The following C1orf54 variants were observed in gnomAD, a reference collection of about 807,000 sequenced individuals.
C1orf54 encodes the protein uncharacterized protein C1orf54.
A neutral mutation model predicts 14.7 loss-of-function variants in C1orf54; 12 were observed. The observed-to-expected ratio is 0.82, with a 90% confidence interval of 0.52 to 1.32. The LOEUF is 1.32. C1orf54 is among the 40% of genes most tolerant of loss of function. C1orf54 has a pLI of 0.00. For synonymous variants in C1orf54, 65 were observed against 56.3 expected (o/e 1.16, Z -0.70); for missense variants, 163 against 162.2 (o/e 1.00, Z -0.03).
intron 4 of C1orf54, among the ~76,000 whole-genome samples, chr1:150,277,673 G>A (rs969993147): frequency 1.3e-5 from 2 of 152,122 alleles, no homozygotes; most frequent in African/African-American, 2.4e-5. Flanking sequence ...TACTTGCTTA[G>A]TAATTTCACA....
chr1:150,280,812 T>A, intron 5 of C1orf54, 23 bp from the exon 6 acceptor site: 1 of 1,547,198 alleles, frequency 6.5e-7, no homozygotes, highest in Non-Finnish European at 8.7e-7. Context: ...CCTTTTATTT[T>A]CTTTCTTTCT....
intron 1 of C1orf54, among the ~76,000 whole-genome samples, chr1:150,273,547 A>G (rs1553851721): frequency 6.6e-6 from 1 of 152,172 alleles, no homozygotes; most frequent in African/African-American, 2.4e-5. Flanking sequence ...ACTAACAGAG[A>G]TGGGTCATTT....
chr1:150,276,616 C>A lies in C1orf54; in HGVS notation c.284C>A (p.Pro95Gln). 6.2e-7 allele frequency: 1 copy of A among 1,613,800 alleles called. No individual in the cohort carries two copies. Among genetic ancestry groups the A allele is most frequent in the Non-Finnish European group, 8.5e-7 (1 of 1,179,776 alleles). The change falls in exon 4 of 6, where the codon CCA (proline) becomes CAA (glutamine). Residue 95 changes from proline (P) to glutamine (Q), a missense_variant. Coordinates refer to ENST00000369099, the MANE Select transcript of C1orf54 (RefSeq NM_024579.4). ...CATCCGAAGCCTGTAACTGTGAAAC[C>A]AGTAACAACGGAACCTGTGAGTTGA... is the stretch of plus-strand genomic sequence containing the variant. The part of the protein sequence containing the change: ...ADHPKPVTVK[P>Q]VTTEPSPDLN...
intron 5 of C1orf54, among the ~76,000 whole-genome samples, chr1:150,280,495 G>C (rs1560047307): frequency 6.6e-6 from 1 of 152,244 alleles, no homozygotes; most frequent in Non-Finnish European, 1.5e-5. Context: ...AAGTGGGTGG[G>C]TCTTACAACC....
chr1:150,270,155 G>T (rs1248728105), upstream of C1orf54, among the ~76,000 whole-genome samples: 1 of 151,548 alleles, frequency 6.6e-6, no homozygotes, highest in Non-Finnish European at 1.5e-5. Context: ...AAAGAGGAAA[G>T]AAATCTGGAA....
rs1553853295 is a variant in C1orf54, at chr1:150,280,849, C to G, written c.*18C>G. 6.5e-7 allele frequency: 1 copy of G among 1,550,126 alleles called. No individual in the cohort carries two copies. The highest frequency in any genetic ancestry group is 1.2e-5 in the South Asian group (1 of 84,028). On this transcript the variant is annotated 3_prime_UTR_variant, in exon 6 of 6. Transcript: ENST00000369099. ...TGCTTTTTTAGGTGGAAGAAGGCTG[C>G]TATGACTCTTTGGATGGGAGTCTGG...
chr1:150,279,146 C>G (rs1016522533), intron 4 of C1orf54, among the ~76,000 whole-genome samples: 1 of 152,188 alleles, frequency 6.6e-6, no homozygotes, highest in Non-Finnish European at 1.5e-5. Flanking sequence ...TGGCGGGTGC[C>G]TGTAATCTCA....
chr1:150,272,776 A>G, upstream of C1orf54: 1 of 1,610,488 alleles, frequency 6.2e-7, no homozygotes, highest in Non-Finnish European at 8.5e-7. Context: ...GAAACTCTGT[A>G]ATTTCCTTTT....
upstream of C1orf54, chr1:150,272,171 G>C (rs1047192573): frequency 6.6e-6 from 1 of 152,366 alleles, no homozygotes; most frequent in South Asian, 2.1e-4. Context: ...GGTGAGGTCA[G>C]TGTTACCAGA....
At chr1:150,275,116 G>A (rs1230748459) in intron 2 of C1orf54, among the ~76,000 whole-genome samples, 1 of 150,910 alleles carries the variant, frequency 6.6e-6, no homozygotes, top group African/African-American at 2.4e-5. Context: ...TCAGCTCACT[G>A]CAACCTCTGC....
At chr1:150,274,001 C>A in intron 1 of C1orf54, 86 bp from the exon 2 acceptor site, 1 of 822,644 alleles carries the variant, frequency 1.2e-6, no homozygotes, top group Non-Finnish European at 2.0e-6. Context: ...AGCAAGAAAG[C>A]TGGGAGCGCT....
intron 5 of C1orf54, among the ~76,000 whole-genome samples, chr1:150,280,259 C>T (rs1553853172): frequency 6.6e-6 from 1 of 152,154 alleles, no homozygotes; most frequent in African/African-American, 2.4e-5. Context: ...AGAGGGATCA[C>T]ATTTAGAAAA....
At position 150,275,785 on chromosome 1, in the gene C1orf54, T is replaced by A; in HGVS notation, c.175T>A (p.Ser59Thr). Residue 59 changes from serine (S) to threonine (T), a missense_variant, in exon 3 of 6, where the codon TCA becomes ACA. Physicochemically the swap from Ser to Thr is moderately conservative, Grantham distance 58. Coordinates refer to ENST00000369099, the MANE Select transcript of C1orf54 (RefSeq NM_024579.4). ...DFTIDYSIFESEDRLNRLDKD... is the reference protein window; with the variant it reads ...DFTIDYSIFETEDRLNRLDKD... Reference sequence around the variant, plus strand: ...CACCATTGATTACTCCATATTTGAGTCAGAGGACAGGCTGGTGAGTGAACT... The same window carrying A: ...CACCATTGATTACTCCATATTTGAGACAGAGGACAGGCTGGTGAGTGAACT... The A allele has an allele frequency of 6.2e-7, 1 of 1,612,018 alleles. No individual in the cohort carries two copies. The highest frequency in any genetic ancestry group is 8.5e-7 in the Non-Finnish European group (1 of 1,178,166).
At chr1:150,277,500 A>C (rs1448947491) in intron 4 of C1orf54, among the ~76,000 whole-genome samples, 21 of 396 alleles carry the variant, frequency 0.053, 1 homozygote, top group Middle Eastern at 0.5. Flanking sequence ...GAGACTCTAT[A>C]CTAAAAAAAA....
chr1:150,269,993 C>T (rs1420887841), upstream of C1orf54, among the ~76,000 whole-genome samples: 1 of 152,024 alleles, frequency 6.6e-6, no homozygotes, highest in Non-Finnish European at 1.5e-5. Flanking sequence ...GCTGAGATTG[C>T]GCTACTGCAC....
chr1:150,275,660 G>A, intron 2 of C1orf54, 81 bp from the exon 3 acceptor site: 1 of 1,122,096 alleles, frequency 8.9e-7, no homozygotes, highest in Non-Finnish European at 1.3e-6. Context: ...AAACTATTCT[G>A]AGTAATTTCT....
At chr1:150,269,744 G>A (rs1652065106), upstream of C1orf54, among the ~76,000 whole-genome samples, 1 of 152,044 alleles carries the variant, frequency 6.6e-6, no homozygotes, top group Admixed American at 6.6e-5. Context: ...GAGGCTGAGA[G>A]GGGTTGTATA....
chr1:150,272,641 C>A, upstream of C1orf54: 1 of 639,498 alleles, frequency 1.6e-6, no homozygotes, highest in Non-Finnish European at 2.8e-6. Context: ...GGCTGGGGAC[C>A]GGCAGTAACC....
intron 3 of C1orf54, among the ~76,000 whole-genome samples, 165 bp downstream of exon 3, chr1:150,275,964 C>T (rs1332836281): frequency 6.6e-6 from 1 of 152,090 alleles, no homozygotes; most frequent in Non-Finnish European, 1.5e-5. Context: ...TGGTGAAACC[C>T]CGTCTCTACT....
Sources: allele counts gnomAD v4.1 joint callset (sites outside exome capture counted in the v4.1 genomes callset), GRCh38; gene constraint gnomAD v4.1.1; transcripts MANE v1.5; gene names NCBI Gene and HGNC (gene_info 2026-07-23, HGNC 2026-07-21).